The following EFCAB5 variants were observed in gnomAD, a reference collection of about 807,000 sequenced individuals.
The protein encoded by EFCAB5 is EF-hand calcium binding domain 5.
Under a neutral mutation model 167.9 loss-of-function variants are expected in EFCAB5, and 131 were observed. That is an observed-to-expected ratio of 0.78 (90% CI 0.68 to 0.90). The LOEUF is 0.90. EFCAB5 is among the 40% of genes least tolerant of loss of function. EFCAB5 has a pLI of 0.00. For missense variants in EFCAB5, 1,663 were observed against 1,745.2 expected, an observed-to-expected ratio of 0.95 and a Z score of 0.84; for synonymous variants, 574 against 602.8, an observed-to-expected ratio of 0.95 and a Z score of 0.70.
chr17:29,931,840 G>A (rs2067200059), intron 1 of EFCAB5, among the ~76,000 whole-genome samples: 1 of 152,180 alleles, frequency 6.6e-6, no homozygotes, highest in Admixed American at 6.5e-5. Flanking sequence ...GTACTTGTAT[G>A]TTGATTCTCT....
chr17:30,068,631 G>A, intron 14 of EFCAB5: 1 of 1,509,414 alleles, frequency 6.6e-7, no homozygotes, highest in East Asian at 2.4e-5. Flanking sequence ...GGGTCGCTAG[G>A]GCGGTGGACA....
At chr17:29,963,770 C>T (rs988815257) in intron 3 of EFCAB5, among the ~76,000 whole-genome samples, 1 of 152,166 alleles carries the variant, frequency 6.6e-6, no homozygotes, top group Non-Finnish European at 1.5e-5. Context: ...TTCCAAATCT[C>T]ATGTTGAAAT....
intron 8 of EFCAB5, among the ~76,000 whole-genome samples, chr17:30,049,830 C>T (rs1440401529): frequency 6.6e-6 from 1 of 152,172 alleles, no homozygotes; most frequent in Non-Finnish European, 1.5e-5. Context: ...AGTTGAAATG[C>T]ATACATTATG....
intron 1 of EFCAB5, among the ~76,000 whole-genome samples, chr17:29,933,395 A>G (rs1237914136): frequency 1.3e-5 from 2 of 152,180 alleles, no homozygotes. Flanking sequence ...TGCCCCATTT[A>G]TACCTAATTT....
At chr17:30,071,873 T>C (rs528904012) in intron 14 of EFCAB5, among the ~76,000 whole-genome samples, 5 of 152,284 alleles carry the variant, frequency 3.3e-5, no homozygotes, top group Non-Finnish European at 7.4e-5. Context: ...GGGCATTGTG[T>C]TAAATGAAAT....
chr17:30,087,021 G>T, intron 18 of EFCAB5, 42 bp from the exon 19 acceptor site: 1 of 1,558,202 alleles, frequency 6.4e-7, no homozygotes, highest in Non-Finnish European at 8.8e-7. Context: ...ATGAGAATAT[G>T]AGGTCTAATT....
intron 7 of EFCAB5, among the ~76,000 whole-genome samples, chr17:30,015,933 C>T (rs1471807200): frequency 1.3e-5 from 2 of 151,944 alleles, no homozygotes; most frequent in Non-Finnish European, 2.9e-5. Flanking sequence ...TGCTTGCCAC[C>T]ACGCCCAGCT....
At chr17:29,976,664 C>T (rs1284444189) in intron 4 of EFCAB5, among the ~76,000 whole-genome samples, 2 of 152,124 alleles carry the variant, frequency 1.3e-5, no homozygotes, top group Non-Finnish European at 2.9e-5. Flanking sequence ...AAAGTCCATT[C>T]ACTTTAGGAA....
intron 7 of EFCAB5, among the ~76,000 whole-genome samples, chr17:30,033,531 C>A (rs967523625): frequency 2.6e-5 from 4 of 152,192 alleles, no homozygotes; most frequent in African/African-American, 9.7e-5. Flanking sequence ...TGCCAATATA[C>A]ACTGATGGTG....
chr17:30,085,003 G>A (rs1230458739), intron 18 of EFCAB5, among the ~76,000 whole-genome samples: 12 of 150,344 alleles, frequency 8.0e-5, no homozygotes, highest in South Asian at 2.2e-4. Context: ...CCCTCTCCCC[G>A]CCTCTTCAGG....
chr17:29,943,754 A>G, intron 3 of EFCAB5, 105 bp downstream of exon 3: 1 of 935,296 alleles, frequency 1.1e-6, no homozygotes, highest in Non-Finnish European at 1.5e-6. Flanking sequence ...CGGGTGGATC[A>G]TCAGAGGTCA....
At chr17:29,974,092 G>A (rs987700060) in intron 4 of EFCAB5, among the ~76,000 whole-genome samples, 2 of 151,038 alleles carry the variant, frequency 1.3e-5, no homozygotes, top group Non-Finnish European at 2.9e-5. Flanking sequence ...GGAAGGCAGA[G>A]GTTGCAGTGA....
At chr17:30,090,797 T>C (rs760932059) in intron 20 of EFCAB5, 123 bp downstream of exon 20, 41 of 1,356,442 alleles carry the variant, frequency 3.0e-5, no homozygotes, top group Non-Finnish European at 4.1e-5. Context: ...TCTTTTCATA[T>C]AAAAGGAATT....
intron 7 of EFCAB5, among the ~76,000 whole-genome samples, chr17:30,019,532 G>T (rs754004882): frequency 8.7e-5 from 13 of 149,194 alleles, no homozygotes; most frequent in Non-Finnish European, 1.8e-4. Context: ...TGCAACCTCC[G>T]CCTTCCTGGT....
At chr17:30,007,665 G>A (rs1162363841) in intron 7 of EFCAB5, among the ~76,000 whole-genome samples, 1 of 152,102 alleles carries the variant, frequency 6.6e-6, no homozygotes, top group Non-Finnish European at 1.5e-5. Context: ...CAAGATGAGT[G>A]GTTTTCCTTT....
chr17:29,965,107 G>C (rs1036472115), intron 3 of EFCAB5, among the ~76,000 whole-genome samples: 2 of 151,542 alleles, frequency 1.3e-5, no homozygotes, highest in African/African-American at 4.9e-5. Context: ...GTTTCATCGT[G>C]TTATCCAGTA....
chr17:29,998,800 G>GCTTC (rs1378595166), intron 6 of EFCAB5, among the ~76,000 whole-genome samples: 2 of 152,138 alleles, frequency 1.3e-5, no homozygotes, highest in Non-Finnish European at 2.9e-5. Context: ...AGGAGAGGAA[G>GCTTC]CCAGTGTATA....
intron 7 of EFCAB5, among the ~76,000 whole-genome samples, chr17:30,030,855 A>C (rs1730159074): frequency 2.0e-5 from 3 of 151,984 alleles, no homozygotes; most frequent in African/African-American, 7.3e-5. Flanking sequence ...AGGTCTTCCT[A>C]TGTTGCTCAG....
chr17:30,102,264 T>A (rs565670450), intron 22 of EFCAB5, among the ~76,000 whole-genome samples: 41 of 152,306 alleles, frequency 2.7e-4, no homozygotes, highest in Non-Finnish European at 5.4e-4. Context: ...AGAGTGAAGA[T>A]GGGAGAAGAA....
Sources: allele counts gnomAD v4.1 joint callset (sites outside exome capture counted in the v4.1 genomes callset), GRCh38; gene constraint gnomAD v4.1.1; transcripts MANE v1.5; gene names NCBI Gene and HGNC (gene_info 2026-07-23, HGNC 2026-07-21).